Variants in ARHGAP32 observed in about 807,000 individuals in gnomAD.
The protein encoded by ARHGAP32 is rho GTPase-activating protein 32.
In ARHGAP32, 51 loss-of-function variants were observed where a neutral mutation model predicts 186.5. The ratio of observed to expected loss-of-function variants is 0.27; its 90% CI spans 0.22 to 0.35. ARHGAP32 has a LOEUF of 0.35. ARHGAP32 is among the 10% of genes least tolerant of loss of function. ARHGAP32 has a pLI of 1.00. For missense variants in ARHGAP32, 2,186 were observed against 2,623.5 expected (o/e 0.83, Z 3.64); for synonymous variants, 950 against 964.3 (o/e 0.99, Z 0.27).
At chr11:129,055,956 T>C (rs1421298112) in intron 10 of ARHGAP32, among the ~76,000 whole-genome samples, 2 of 152,232 alleles carry the variant, frequency 1.3e-5, no homozygotes, top group East Asian at 1.9e-4. Flanking sequence ...TCATTAATTA[T>C]AACAAAAAGT....
At chr11:129,103,679 T>G (rs1250276722) in intron 5 of ARHGAP32, among the ~76,000 whole-genome samples, 1 of 151,948 alleles carries the variant, frequency 6.6e-6, no homozygotes, top group Non-Finnish European at 1.5e-5. Flanking sequence ...GGTGGAAAAG[T>G]ATAAATAACA....
chr11:129,153,305 C>T (rs188108094), intron 2 of ARHGAP32, among the ~76,000 whole-genome samples: 5 of 152,074 alleles, frequency 3.3e-5, no homozygotes, highest in Admixed American at 3.3e-4. Flanking sequence ...AATGACCATA[C>T]GGCCAAAAGC....
At chr11:129,155,700 C>CAA (rs61612151) in intron 2 of ARHGAP32, among the ~76,000 whole-genome samples, 19,412 of 143,204 alleles carry the variant, frequency 0.14, 1,351 homozygotes, top group Non-Finnish European at 0.16. Context: ...AGAAATGTGT[C>CAA]AAAAAAAAAA....
chr11:129,235,937 A>ACACACT (rs1333674447), intron 1 of ARHGAP32, among the ~76,000 whole-genome samples: 8 of 134,148 alleles, frequency 6.0e-5, no homozygotes, highest in African/African-American at 1.9e-4. Flanking sequence ...ACACACACAC[A>ACACACT]CACTCACACA....
chr11:129,173,026 T>C (rs1401748498), intron 1 of ARHGAP32, among the ~76,000 whole-genome samples: 2 of 150,312 alleles, frequency 1.3e-5, no homozygotes, highest in Non-Finnish European at 3.0e-5. Flanking sequence ...GGGGCTGTTT[T>C]TTTGAAAAAA....
chr11:129,023,969 AG>A, intron 11 of ARHGAP32: 1 of 985,426 alleles, frequency 1.0e-6, no homozygotes, highest in Non-Finnish European at 1.2e-6. Flanking sequence ...ACAAGAGTGT[AG>A]AAAATAAATC....
rs1028513909 is a variant in ARHGAP32, at chr11:129,253,773, T to C, written c.-5+25373A>G. On this transcript the variant is annotated intron_variant, in intron 1 of 6. Coordinates refer to the ARHGAP32 transcript ENST00000525234. ...ATCTATTTTAATTATCTTTATATTC[T>C]AGTGCTTACAAAGTGTTTGAAAATT... Among the ~76,000 whole-genome samples the C allele has an allele frequency of 8.5e-5, 13 of 152,162 alleles. 1 individual carries two copies. The highest frequency in any genetic ancestry group is 5.9e-4 in the Admixed American group (9 of 15,276).
At chr11:128,973,726 A>C (rs1217554286) in intron 21 of ARHGAP32, 1 of 537,592 alleles carries the variant, frequency 1.9e-6, no homozygotes, top group Non-Finnish European at 3.3e-6. Flanking sequence ...CTTAGAAAAC[A>C]AGCTTCAAGT....
Position 129,009,225 on chromosome 11 carries a change from T to G in ARHGAP32, c.1046-10757A>C, listed in dbSNP as rs146561811. Among the ~76,000 whole-genome samples, 630 of 152,320 alleles carry G rather than the reference T, an allele frequency of 4.1e-3. 5 individuals are homozygous for G. Among genetic ancestry groups the G allele is most frequent in the African/African-American group, 0.015 (607 of 41,574 alleles). On this transcript the variant is annotated intron_variant, in intron 11 of 22. Coordinates refer to ENST00000682385, the MANE Select transcript of ARHGAP32 (RefSeq NM_001378024.1). ...AGGACACATTCCACATATTTCTTAT[T>G]AGGAATATTGCTAGGTAACTTAATT...
At chr11:129,136,249 G>C (rs956152776) in intron 2 of ARHGAP32, among the ~76,000 whole-genome samples, 2 of 152,062 alleles carry the variant, frequency 1.3e-5, no homozygotes, top group African/African-American at 4.8e-5. Context: ...ATAGAAATAA[G>C]GCCCACGTAA....
intron 2 of ARHGAP32, among the ~76,000 whole-genome samples, chr11:129,143,950 G>C (rs1330153350): frequency 6.6e-6 from 1 of 152,028 alleles, no homozygotes; most frequent in Non-Finnish European, 1.5e-5. Flanking sequence ...GCATCCACTG[G>C]GGGTCTTGGA....
At chr11:129,080,218 T>C (rs563923328) in intron 6 of ARHGAP32, among the ~76,000 whole-genome samples, 14 of 152,124 alleles carry the variant, frequency 9.2e-5, no homozygotes, top group African/African-American at 3.4e-4. Context: ...AACAAAGCTA[T>C]AATGGACTTA....
At chr11:129,157,628 A>G (rs1440062874) in intron 2 of ARHGAP32, among the ~76,000 whole-genome samples, 1 of 152,196 alleles carries the variant, frequency 6.6e-6, no homozygotes, top group South Asian at 2.1e-4. Flanking sequence ...AGTGACGAGG[A>G]GAATGGAATC....
chr11:129,206,362 C>A (rs903573393), intron 1 of ARHGAP32, among the ~76,000 whole-genome samples: 1 of 152,072 alleles, frequency 6.6e-6, no homozygotes, highest in African/African-American at 2.4e-5. Flanking sequence ...CAGGAATGTG[C>A]CACCATGCCT....
intron 12 of ARHGAP32, among the ~76,000 whole-genome samples, chr11:128,992,101 T>C (rs1388903786): frequency 6.6e-6 from 1 of 152,202 alleles, no homozygotes; most frequent in East Asian, 1.9e-4. Flanking sequence ...TGATTCTACC[T>C]AATATGACTA....
intron 16 of ARHGAP32, 120 bp from the exon 17 acceptor site, chr11:128,981,681 G>C: frequency 8.1e-7 from 1 of 1,241,504 alleles, no homozygotes; most frequent in Non-Finnish European, 1.1e-6. Context: ...CTGTCCCTTA[G>C]CTAAGGCCCA....
intron 2 of ARHGAP32, among the ~76,000 whole-genome samples, chr11:129,146,550 T>C (rs1327420280): frequency 6.6e-6 from 1 of 152,150 alleles, no homozygotes; most frequent in Non-Finnish European, 1.5e-5. Flanking sequence ...ACAATCTCAC[T>C]GTAAACTGTA....
Position 128,969,637 on chromosome 11 carries a change from T to C in ARHGAP32, c.5576A>G (p.His1859Arg). 7.4e-6 allele frequency: 12 copies of C among 1,614,106 alleles called. No individual in the cohort carries two copies. Among genetic ancestry groups the C allele is most frequent in the Non-Finnish European group, 1.0e-5 (12 of 1,180,012 alleles). The change falls in exon 23 of 23, where the codon CAT becomes CGT. Residue 1859 changes from histidine (H) to arginine (R), a missense_variant. Around this residue, in one of 5 missense-constraint regions of ARHGAP32, gnomAD observed 1,502 missense variants for 1,570.0 expected, o/e 0.96. Coordinates refer to ENST00000682385, the MANE Select transcript of ARHGAP32 (RefSeq NM_001378024.1). The surrounding 1 kb of genome is among the most constrained non-coding windows in gnomAD (Gnocchi z 4.8). ...EMDRAHHHGG[H>R]GSTQPEKPSL... ...TGGCTTCTCCGGCTGCGTGCTACCA[T>C]GGCCTCCGTGATGGTGGGCTCTGTC...
chr11:129,200,322 C>A (rs960921283), intron 1 of ARHGAP32, among the ~76,000 whole-genome samples: 4 of 152,092 alleles, frequency 2.6e-5, no homozygotes, highest in Non-Finnish European at 5.9e-5. Context: ...GTGTCCCCAC[C>A]CAAATCTCAT....
Sources: allele counts gnomAD v4.1 joint callset (sites outside exome capture counted in the v4.1 genomes callset), GRCh38; gene constraint gnomAD v4.1.1; regional missense constraint gnomAD v4.1.1; non-coding constraint Gnocchi (gnomAD v3.1); transcripts MANE v1.5; gene names NCBI Gene and HGNC (gene_info 2026-07-23, HGNC 2026-07-21).